The following BCAS3 variants were observed in gnomAD, a reference collection of about 807,000 sequenced individuals.
The protein encoded by BCAS3 is BCAS4/BCAS3 fusion.
Under a neutral mutation model 116.1 loss-of-function variants are expected in BCAS3, and 53 were observed. That is an observed-to-expected ratio of 0.46 (90% CI 0.37 to 0.57). The LOEUF (loss-of-function observed/expected upper bound fraction) is 0.57. Ranked by LOEUF, BCAS3 falls within the 20% of genes least tolerant of loss-of-function variation. BCAS3 has a pLI of 0.00. For missense variants in BCAS3, 917 were observed against 1,165.4 expected, an observed-to-expected ratio of 0.79 and a Z score of 3.10; for synonymous variants, 391 against 408.2, an observed-to-expected ratio of 0.96 and a Z score of 0.51.
At chr17:60,905,512 A>G (rs568009765) in intron 11 of BCAS3, among the ~76,000 whole-genome samples, 1 of 152,226 alleles carries the variant, frequency 6.6e-6, no homozygotes, top group Non-Finnish European at 1.5e-5. Context: ...AAACCTGGTC[A>G]TACTGAAGTC....
At chr17:61,075,634 A>G (rs2071904083) in intron 20 of BCAS3, among the ~76,000 whole-genome samples, 1 of 152,052 alleles carries the variant, frequency 6.6e-6, no homozygotes, top group Non-Finnish European at 1.5e-5. Context: ...GAATTTAAAT[A>G]GGCTCTTTGG....
chr17:60,709,234 T>C lies in BCAS3; in HGVS notation c.230T>C (p.Leu77Pro), dbSNP rs779277894. 1.9e-6 allele frequency: 3 copies of C among 1,547,672 alleles called. No homozygotes were observed. In the Admixed American group the frequency reaches 5.3e-5, roughly 28 times the overall value. Reference sequence around the variant, plus strand: ...TCTAATGCAGATACATCAAGAAATCTGGAATTTCATGAAATACATAGTACT... The same window carrying C: ...TCTAATGCAGATACATCAAGAAATCCGGAATTTCATGAAATACATAGTACT... ...NADLNDTSRN[L>P]EFHEIHSTGN... Residue 77 changes from leucine (L) to proline (P), a missense_variant, in exon 5 of 24, where the codon CTG (leucine) becomes CCG (proline). Around this residue, in one of 3 missense-constraint regions of BCAS3, gnomAD observed 807 missense variants for 1,026.0 expected, o/e 0.79. Transcript: ENST00000407086.
intron 22 of BCAS3, among the ~76,000 whole-genome samples, chr17:61,091,731 C>G (rs562305544): frequency 6.6e-6 from 1 of 152,196 alleles, no homozygotes; most frequent in African/African-American, 2.4e-5. Flanking sequence ...AATAGTTGTT[C>G]CAGAGAAAAG....
chr17:60,824,386 C>T (rs1190360880), intron 7 of BCAS3, among the ~76,000 whole-genome samples: 1 of 152,178 alleles, frequency 6.6e-6, no homozygotes, highest in Non-Finnish European at 1.5e-5. Context: ...TCACAACATT[C>T]CCAAGGGACA....
At chr17:60,896,738 T>C (rs1009151295) in intron 10 of BCAS3, among the ~76,000 whole-genome samples, 1 of 152,180 alleles carries the variant, frequency 6.6e-6, no homozygotes, top group Non-Finnish European at 1.5e-5. Context: ...GGTAAGTTTC[T>C]TGTAAGGAGC....
rs974721128 is a variant in BCAS3 at position 61,015,682 on chromosome 17, A to G, written c.1487-69A>G. On this transcript the variant is annotated intron_variant, in intron 15 of 23. Coordinates refer to ENST00000407086, the MANE Select transcript of BCAS3 (RefSeq NM_017679.5). ...GATTACTGGAGTCAGTGAAAACCCTATCGGAGATAGAGAACGGGAGATAGA... is the reference window on the plus strand; with the variant it reads ...GATTACTGGAGTCAGTGAAAACCCTGTCGGAGATAGAGAACGGGAGATAGA... The G allele has an allele frequency of 5.0e-5, 75 of 1,502,956 alleles. No homozygotes were observed. The African/African-American group carries it at 8.6e-4, about 17-fold the overall frequency. The allele number at this position is 1,502,956 out of a possible 1,614,324, so 93.1% of individuals were successfully genotyped here. A position where few individuals can be genotyped will look rare whatever the true frequency, so the allele number is the denominator to read the frequency against.
In BCAS3 at chr17:61,135,543, A is replaced by G. The variant is rs766175237; in HGVS notation, c.2425+50979A>G. On this transcript the variant is annotated intron_variant, in intron 22 of 23. Transcript: ENST00000407086. ...GATCTGTAGGAAAATGCCCTGCTTCATTTTTTAACTGATCAGCTAGCTGAC... is the reference window on the plus strand; with the variant it reads ...GATCTGTAGGAAAATGCCCTGCTTCGTTTTTTAACTGATCAGCTAGCTGAC... Among the ~76,000 whole-genome samples the G allele has an allele frequency of 2.0e-5, 3 of 152,170 alleles. No homozygotes were observed. In the East Asian group the frequency reaches 5.8e-4, roughly 29 times the overall value.
In BCAS3 at chr17:60,874,645, T is replaced by G. The variant is rs763826015; in HGVS notation, c.585-17T>G. 1.6e-5 allele frequency: 25 copies of G among 1,575,186 alleles called. No homozygotes were observed. The highest frequency in any genetic ancestry group is 2.1e-5 in the Non-Finnish European group (24 of 1,148,084). On this transcript the variant is annotated splice_polypyrimidine_tract_variant and intron_variant, in intron 8 of 23. Transcript: ENST00000407086. ...TCACTTTTTTTCTTTCTGTTTTTTTTCTCTCTCTAATTTTAGGATCCTTGT... is the reference window on the plus strand; with the variant it reads ...TCACTTTTTTTCTTTCTGTTTTTTTGCTCTCTCTAATTTTAGGATCCTTGT...
At chr17:61,111,190 CA>C (rs2075065226) in intron 22 of BCAS3, among the ~76,000 whole-genome samples, 1 of 152,010 alleles carries the variant, frequency 6.6e-6, no homozygotes, top group Admixed American at 6.5e-5. Context: ...TCTCCTCCTC[CA>C]AAGGAACGCA....
At chr17:61,120,333 G>A (rs2075720098) in intron 22 of BCAS3, among the ~76,000 whole-genome samples, 1 of 152,038 alleles carries the variant, frequency 6.6e-6, no homozygotes, top group Admixed American at 6.5e-5. Context: ...ACACAAAGGA[G>A]AAATTTAAAT....
At chr17:60,788,419 A>G (rs1277921575) in intron 6 of BCAS3, among the ~76,000 whole-genome samples, 1 of 152,218 alleles carries the variant, frequency 6.6e-6, no homozygotes, top group Non-Finnish European at 1.5e-5. Flanking sequence ...TGATTATCAA[A>G]GTGAAATAGA....
chr17:60,828,458 A>G (rs868096153), intron 7 of BCAS3, among the ~76,000 whole-genome samples: 1 of 152,214 alleles, frequency 6.6e-6, no homozygotes, highest in South Asian at 2.1e-4. Context: ...ACCTTGCTAA[A>G]TATCACTAAT....
chr17:60,855,578 C>A (rs1200937144), intron 7 of BCAS3, among the ~76,000 whole-genome samples: 5 of 151,780 alleles, frequency 3.3e-5, no homozygotes. Context: ...CCTCAGCCTC[C>A]TGAATAGCTG....
At chr17:61,147,705 G>A (rs558368904) in intron 22 of BCAS3, among the ~76,000 whole-genome samples, 2 of 152,226 alleles carry the variant, frequency 1.3e-5, no homozygotes, top group African/African-American at 4.8e-5. Context: ...TATAAGTTGG[G>A]GCGGGGCACC....
chr17:61,334,685 A>AAAAAC (rs1568879269), intron 22 of BCAS3, among the ~76,000 whole-genome samples: 1 of 151,156 alleles, frequency 6.6e-6, no homozygotes, highest in Non-Finnish European at 1.5e-5. Context: ...AAAAAAAAAA[A>AAAAAC]AAAACACCAA....
chr17:60,989,190 AAACTT>A (rs1271431546), intron 14 of BCAS3, among the ~76,000 whole-genome samples: 1 of 152,098 alleles, frequency 6.6e-6, no homozygotes, highest in Non-Finnish European at 1.5e-5. Context: ...TCAGTGTAGA[AAACTT>A]AAGTATCTGT....
rs540562488 is a variant in BCAS3, at chr17:61,220,989, A to G, written c.2425+136425A>G. 6.6e-6 allele frequency among the ~76,000 whole-genome samples: 1 copy of G among 152,284 alleles called. No individual in the cohort carries two copies. The highest frequency in any genetic ancestry group is 6.5e-5 in the Admixed American group (1 of 15,302). Reference sequence around the variant, plus strand: ...GTGGCGGGCGCCTGTAGTCCCAGCTATTTGGGAGGCTGAGGCAGAAGAATG... The same window carrying G: ...GTGGCGGGCGCCTGTAGTCCCAGCTGTTTGGGAGGCTGAGGCAGAAGAATG... On this transcript the variant is annotated intron_variant, in intron 22 of 23. Coordinates refer to ENST00000407086, the MANE Select transcript of BCAS3 (RefSeq NM_017679.5). The surrounding 1 kb of genome is among the most constrained non-coding windows in gnomAD (Gnocchi z 4.5).
rs144238499 is a variant in BCAS3, at chr17:60,906,378, A to G, written c.822+3675A>G. Among the ~76,000 whole-genome samples the G allele has an allele frequency of 7.2e-3, 1,092 of 152,284 alleles. 9 individuals carry two copies. The highest frequency in any genetic ancestry group is 0.024 in the Middle Eastern group (7 of 294). On this transcript the variant is annotated intron_variant, in intron 11 of 23. Transcript: ENST00000407086. ...ATTATTTGAGTGAAGTTCACCTGCAATAGCTGTGGTCACCTTATTGCTGTA... is the reference window on the plus strand; with the variant it reads ...ATTATTTGAGTGAAGTTCACCTGCAGTAGCTGTGGTCACCTTATTGCTGTA...
intron 13 of BCAS3, among the ~76,000 whole-genome samples, chr17:60,934,022 G>A (rs1403034025): frequency 6.6e-6 from 1 of 152,062 alleles, no homozygotes; most frequent in African/African-American, 2.4e-5. Context: ...GATCTTTGTA[G>A]GGGTGACTTA....
Sources: gnomAD v4.1 joint callset for allele counts (sites outside exome capture counted in the v4.1 genomes callset) on GRCh38, gnomAD v4.1.1 for gene constraint, gnomAD v4.1.1 regional missense constraint, Gnocchi (gnomAD v3.1) non-coding constraint, MANE v1.5 for transcripts, NCBI Gene and HGNC (gene_info 2026-07-23, HGNC 2026-07-21) for gene names.